The following HDAC9 variants were observed in gnomAD, a reference collection of about 807,000 sequenced individuals.
The protein encoded by HDAC9 is MEF-2 interacting transcription repressor (MITR) protein.
Under a neutral mutation model 139.4 loss-of-function variants are expected in HDAC9, and 41 were observed. The ratio of observed to expected loss-of-function variants is 0.29; its 90% CI spans 0.23 to 0.38. HDAC9 has a LOEUF of 0.38. HDAC9 is among the 10% of genes least tolerant of loss of function. The pLI is 1.00. For synonymous variants in HDAC9, 517 were observed against 476.2 expected (o/e 1.09, Z -1.12); for missense variants, 1,147 against 1,297.0 (o/e 0.88, Z 1.78).
Position 18,902,183 on chromosome 7 carries a change from T to C in HDAC9, c.2803+27587T>C, listed in dbSNP as rs530295061. Among the ~76,000 whole-genome samples, 231 of 152,338 alleles carry C rather than the reference T, an allele frequency of 1.5e-3. 2 individuals are homozygous for C. Among genetic ancestry groups the C allele is most frequent in the African/African-American group, 5.4e-3 (223 of 41,580 alleles). On this transcript the variant is annotated intron_variant, in intron 22 of 25. Coordinates refer to ENST00000686413, the MANE Select transcript of HDAC9 (RefSeq NM_178425.4). ...ACAACAGTGAAATGTCTGCCCTGCT[T>C]GGGAACATGCACTAATGCTGCTTTC...
chr7:18,750,222 C>T (rs1266138904), intron 14 of HDAC9, among the ~76,000 whole-genome samples: 1 of 152,094 alleles, frequency 6.6e-6, no homozygotes, highest in African/African-American at 2.4e-5. Context: ...GATGCAAAGC[C>T]ATTCATTCAG....
intron 13 of HDAC9, among the ~76,000 whole-genome samples, chr7:18,729,375 T>A (rs147869226): frequency 2.0e-5 from 3 of 152,134 alleles, no homozygotes; most frequent in Non-Finnish European, 2.9e-5. Context: ...GTGCCCAAGT[T>A]TGCTACTGTA....
At chr7:18,583,465 A>C (rs935957251) in intron 2 of HDAC9, among the ~76,000 whole-genome samples, 1 of 152,080 alleles carries the variant, frequency 6.6e-6, no homozygotes, top group Non-Finnish European at 1.5e-5. Flanking sequence ...TCATGCCTAT[A>C]ATCTCAGAAC....
At chr7:18,390,311 G>A (rs1388812912) in intron 1 of HDAC9, among the ~76,000 whole-genome samples, 1 of 152,156 alleles carries the variant, frequency 6.6e-6, no homozygotes, top group Non-Finnish European at 1.5e-5. Context: ...GAGCTGGAGA[G>A]GGGGTTTCAG....
chr7:18,828,889 A>T (rs1219125078), intron 17 of HDAC9, among the ~76,000 whole-genome samples: 2 of 152,180 alleles, frequency 1.3e-5, no homozygotes, highest in Non-Finnish European at 2.9e-5. Flanking sequence ...GCTGACATGC[A>T]TGTTTGCCAG....
chr7:18,554,148 A>G (rs898117794), intron 2 of HDAC9, among the ~76,000 whole-genome samples: 29 of 152,142 alleles, frequency 1.9e-4, no homozygotes, highest in African/African-American at 7.0e-4. Flanking sequence ...CTTCTTCCTT[A>G]GAACAGTTGG....
At chr7:18,905,441 A>T (rs1236460139) in intron 22 of HDAC9, among the ~76,000 whole-genome samples, 1 of 152,174 alleles carries the variant, frequency 6.6e-6, no homozygotes, top group Non-Finnish European at 1.5e-5. Flanking sequence ...TCTACTTAAG[A>T]TTGTACAAGT....
At chr7:18,499,066 A>G (rs1797692294) in intron 2 of HDAC9, among the ~76,000 whole-genome samples, 1 of 103,678 alleles carries the variant, frequency 9.6e-6, no homozygotes, top group African/African-American at 3.9e-5. Flanking sequence ...ACTATAGGTA[A>G]GAGTAGGGTG....
intron 2 of HDAC9, among the ~76,000 whole-genome samples, chr7:18,236,422 G>A (rs896838939): frequency 1.3e-5 from 2 of 152,204 alleles, no homozygotes; most frequent in Non-Finnish European, 2.9e-5. Context: ...AGTTGACAGA[G>A]TTTAAATCAG....
At chr7:18,461,968 C>A (rs987663791) in intron 1 of HDAC9, among the ~76,000 whole-genome samples, 1 of 151,880 alleles carries the variant, frequency 6.6e-6, no homozygotes. Flanking sequence ...AAAACAGAGG[C>A]CTGGAGAAAC....
At chr7:18,370,940 A>G (rs752381115) in intron 1 of HDAC9, among the ~76,000 whole-genome samples, 29 of 152,110 alleles carry the variant, frequency 1.9e-4, no homozygotes, top group Non-Finnish European at 3.8e-4. Flanking sequence ...CATCACATAA[A>G]CAGAACCACT....
In HDAC9 at chr7:18,561,720, C is replaced by T. The variant is rs1018703690; in HGVS notation, c.23-23561C>T. Among the ~76,000 whole-genome samples, 3 of 152,152 alleles carry T rather than the reference C, an allele frequency of 2.0e-5. No homozygotes were observed. The South Asian group carries it at 6.2e-4, about 31-fold the overall frequency. The stretch of plus-strand genomic sequence containing the variant: ...CAAATATGTGGTCGCTTCTGACTGC[C>T]TTCCTTTACTCAGCATGGTTTCAAG... On this transcript the variant is annotated intron_variant, in intron 2 of 25. Coordinates refer to ENST00000686413, the MANE Select transcript of HDAC9 (RefSeq NM_178425.4).
At chr7:18,740,060 G>A (rs557070384) in intron 13 of HDAC9, among the ~76,000 whole-genome samples, 254 of 152,316 alleles carry the variant, frequency 1.7e-3, no homozygotes, top group Non-Finnish European at 3.1e-3. Flanking sequence ...CTCTATGAGC[G>A]TGGGACCTGC....
At chr7:18,904,602 T>C (rs1412334561) in intron 22 of HDAC9, among the ~76,000 whole-genome samples, 2 of 112,000 alleles carry the variant, frequency 1.8e-5, no homozygotes, top group East Asian at 6.0e-4. Flanking sequence ...TTTTTTTAGA[T>C]GGAGTCTCGC....
At chr7:18,743,355 GACAA>G (rs574260869) in intron 13 of HDAC9, among the ~76,000 whole-genome samples, 30 of 152,158 alleles carry the variant, frequency 2.0e-4, no homozygotes, top group African/African-American at 6.0e-4. Flanking sequence ...ATGAAAAAAA[GACAA>G]ACAGACAAAC....
chr7:18,368,163 A>G (rs918080817), intron 1 of HDAC9, among the ~76,000 whole-genome samples: 4 of 152,010 alleles, frequency 2.6e-5, no homozygotes, highest in African/African-American at 7.2e-5. Flanking sequence ...TTTCTTTTTG[A>G]TGGATTCAAA....
intron 21 of HDAC9, among the ~76,000 whole-genome samples, chr7:18,858,321 T>G (rs1371617005): frequency 2.0e-5 from 3 of 152,148 alleles, no homozygotes; most frequent in East Asian, 1.9e-4. Flanking sequence ...ATGTTCTGCA[T>G]GGCTAGGCAA....
rs147872160 is a variant in HDAC9 at position 18,206,890 on chromosome 7, A to G, written c.25+44541A>G. On this transcript the variant is annotated intron_variant, in intron 2 of 12. Transcript: ENST00000417496. ...TACAAATGTTTATTTTATTTCATTTATGTATTGCCTCATTCAAAAAATGAT... is the reference window on the plus strand; with the variant it reads ...TACAAATGTTTATTTTATTTCATTTGTGTATTGCCTCATTCAAAAAATGAT... Among the ~76,000 whole-genome samples the G allele has an allele frequency of 1.2e-3, 183 of 150,856 alleles. 1 individual carries two copies. The East Asian group carries it at 0.031, about 26-fold the overall frequency.
At chr7:18,496,198 T>C in intron 1 of HDAC9, 64 bp from the exon 2 acceptor site, 2 of 1,558,476 alleles carry the variant, frequency 1.3e-6, no homozygotes, top group Non-Finnish European at 1.8e-6. Flanking sequence ...TTCATGTAGC[T>C]GAAGTAAGAG....
Sources: allele counts gnomAD v4.1 joint callset (sites outside exome capture counted in the v4.1 genomes callset), GRCh38; gene constraint gnomAD v4.1.1; transcripts MANE v1.5; gene names NCBI Gene and HGNC (gene_info 2026-07-23, HGNC 2026-07-21).